CACNA2D3: variants seen among roughly 807,000 people sequenced by gnomAD.
CACNA2D3 encodes calcium voltage-gated channel auxiliary subunit alpha2delta 3.
CACNA2D3 carries 60 observed loss-of-function variants against 160.6 expected under a neutral mutation model. That is an observed-to-expected ratio of 0.37 (90% confidence interval 0.30 to 0.46). The LOEUF (loss-of-function observed/expected upper bound fraction) is 0.46, where lower values mean the gene tolerates loss of function less well. Ranked by LOEUF, CACNA2D3 falls within the 20% of genes least tolerant of loss-of-function variation. The pLI is 1.00. For synonymous variants in CACNA2D3, 558 were observed against 492.9 expected (o/e 1.13, Z -1.75); for missense variants, 1,205 against 1,365.0 (o/e 0.88, Z 1.85).
intron 2 of CACNA2D3, among the ~76,000 whole-genome samples, chr3:54,293,555 A>G (rs62253248): frequency 0.23 from 32,556 of 142,038 alleles, 3,690 homozygotes; most frequent in East Asian, 0.34. Flanking sequence ...TGACTGAGTA[A>G]TATTCTATTA....
At chr3:54,476,822 A>G (rs1437682092) in intron 4 of CACNA2D3, among the ~76,000 whole-genome samples, 3 of 152,178 alleles carry the variant, frequency 2.0e-5, no homozygotes, top group South Asian at 4.1e-4. Context: ...CTTATTGAAT[A>G]TATGGTTTAC....
chr3:54,269,379 TTC>T (rs137996747), intron 2 of CACNA2D3, among the ~76,000 whole-genome samples: 5,782 of 152,160 alleles, frequency 0.038, 312 homozygotes, highest in African/African-American at 0.12. Context: ...AGTTTCCTCT[TTC>T]TCCCATCCCT....
chr3:54,293,208 T>A (rs1369972085), intron 2 of CACNA2D3, among the ~76,000 whole-genome samples: 1 of 152,166 alleles, frequency 6.6e-6, no homozygotes, highest in Non-Finnish European at 1.5e-5. Flanking sequence ...TTATTTTCTT[T>A]TTTATTTCAG....
intron 2 of CACNA2D3, among the ~76,000 whole-genome samples, chr3:54,189,540 A>C (rs1700942549): frequency 6.6e-6 from 1 of 152,160 alleles, no homozygotes; most frequent in African/African-American, 2.4e-5. Context: ...CGGCAGGGTC[A>C]TCACCATGTG....
At chr3:54,224,692 A>G (rs1483856834) in intron 2 of CACNA2D3, among the ~76,000 whole-genome samples, 1 of 152,198 alleles carries the variant, frequency 6.6e-6, no homozygotes, top group Admixed American at 6.5e-5. Context: ...GTTGTCATGT[A>G]TGTCAGGTCT....
chr3:54,938,797 G>C (rs1701389972), intron 27 of CACNA2D3, among the ~76,000 whole-genome samples: 1 of 152,206 alleles, frequency 6.6e-6, no homozygotes. Context: ...CATTTGCACA[G>C]GAAACCCATG....
intron 14 of CACNA2D3, among the ~76,000 whole-genome samples, chr3:54,817,393 C>T (rs576541716): frequency 6.6e-6 from 1 of 152,172 alleles, no homozygotes; most frequent in Non-Finnish European, 1.5e-5. Context: ...GACCCTTTCA[C>T]TGGTCCTCAT....
At chr3:54,781,025 C>T (rs989269310) in intron 13 of CACNA2D3, among the ~76,000 whole-genome samples, 1 of 152,108 alleles carries the variant, frequency 6.6e-6, no homozygotes, top group Non-Finnish European at 1.5e-5. Flanking sequence ...ATGTGTGGGT[C>T]TTTTTATTTA....
chr3:54,782,063 G>C lies in CACNA2D3; in HGVS notation c.1380+17712G>C, dbSNP rs138396251. Among the ~76,000 whole-genome samples, 18 of 152,312 alleles carry C rather than the reference G, an allele frequency of 1.2e-4. No individual in the cohort carries two copies. In the East Asian group the frequency reaches 3.5e-3, roughly 29 times the overall value. ...AGAGTGGATATGTCCAGTTTTACCA[G>C]TAAGAGTTCACTTCTAATATCCATT... On this transcript the variant is annotated intron_variant, in intron 13 of 37. Transcript: ENST00000474759.
chr3:54,829,567 T>G, intron 14 of CACNA2D3, among the ~76,000 whole-genome samples: 1 of 152,128 alleles, frequency 6.6e-6, no homozygotes, highest in East Asian at 1.9e-4. Flanking sequence ...ACAAACTAAT[T>G]GTACAGAGAG....
intron 2 of CACNA2D3, among the ~76,000 whole-genome samples, chr3:54,305,225 T>C (rs1465653239): frequency 6.6e-6 from 1 of 152,220 alleles, no homozygotes; most frequent in Non-Finnish European, 1.5e-5. Context: ...ACACTTTATG[T>C]ATTTTTAATC....
chr3:54,918,356 G>A (rs886722230), intron 27 of CACNA2D3: 7 of 165,904 alleles, frequency 4.2e-5, no homozygotes, highest in East Asian at 8.7e-5. Flanking sequence ...TTTTTTTTTT[G>A]TCTTTTGGCA....
intron 9 of CACNA2D3, among the ~76,000 whole-genome samples, chr3:54,587,904 G>A (rs1702790592): frequency 6.6e-6 from 1 of 152,166 alleles, no homozygotes; most frequent in Non-Finnish European, 1.5e-5. Flanking sequence ...AACATTTAAA[G>A]AAGAATTAAT....
intron 2 of CACNA2D3, among the ~76,000 whole-genome samples, chr3:54,236,738 A>C (rs1275432223): frequency 6.6e-6 from 1 of 152,230 alleles, no homozygotes; most frequent in Admixed American, 6.5e-5. Flanking sequence ...TAAACAGGCC[A>C]CATGACATAG....
intron 17 of CACNA2D3, among the ~76,000 whole-genome samples, chr3:54,867,159 A>G (rs1414641784): frequency 6.6e-6 from 1 of 152,216 alleles, no homozygotes; most frequent in Non-Finnish European, 1.5e-5. Context: ...CAGAAGAAGA[A>G]GAAGTGGTGG....
intron 2 of CACNA2D3, among the ~76,000 whole-genome samples, chr3:54,184,790 G>A (rs1487723033): frequency 6.6e-6 from 1 of 152,358 alleles, no homozygotes; most frequent in African/African-American, 2.4e-5. Context: ...GAGGGAGGTT[G>A]CCTCTGGAAC....
intron 5 of CACNA2D3, among the ~76,000 whole-genome samples, chr3:54,516,791 TG>T (rs1701558431): frequency 6.6e-6 from 1 of 152,164 alleles, no homozygotes; most frequent in South Asian, 2.1e-4. Flanking sequence ...GAGACTTTTC[TG>T]GGGTAGATTT....
chr3:54,816,878 C>G lies in CACNA2D3; in HGVS notation c.1398+8C>G. Reference sequence around the variant, plus strand: ...CTCCCTCAGGCACAAAAGGTAAATTCTCTTCTGTCACATTCCAGTCACCCC... The same window carrying G: ...CTCCCTCAGGCACAAAAGGTAAATTGTCTTCTGTCACATTCCAGTCACCCC... On this transcript the variant is annotated splice_region_variant and intron_variant, in intron 14 of 37. Coordinates refer to ENST00000474759, the MANE Select transcript of CACNA2D3 (RefSeq NM_018398.3). 6.2e-7 allele frequency: 1 copy of G among 1,613,750 alleles called. No individual in the cohort carries two copies. Among genetic ancestry groups the G allele is most frequent in the Admixed American group, 1.7e-5 (1 of 59,992 alleles).
At chr3:54,825,440 C>A (rs1374898447) in intron 14 of CACNA2D3, among the ~76,000 whole-genome samples, 1 of 152,164 alleles carries the variant, frequency 6.6e-6, no homozygotes, top group African/African-American at 2.4e-5. Flanking sequence ...TTCTGTAGGT[C>A]ATTTTTATTG....
Sources: allele counts gnomAD v4.1 joint callset (sites outside exome capture counted in the v4.1 genomes callset), GRCh38; gene constraint gnomAD v4.1.1; transcripts MANE v1.5; gene names NCBI Gene and HGNC (gene_info 2026-07-23, HGNC 2026-07-21).